The following SH3RF3 variants were observed in gnomAD, a reference collection of about 807,000 sequenced individuals.
SH3RF3 encodes E3 ubiquitin-protein ligase SH3RF3.
A neutral mutation model predicts 66.3 loss-of-function variants in SH3RF3; 29 were observed. The ratio of observed to expected loss-of-function variants is 0.44; its 90% CI spans 0.33 to 0.60. The LOEUF (loss-of-function observed/expected upper bound fraction) is 0.60, where lower values mean the gene tolerates loss of function less well. SH3RF3 is among the 20% of genes least tolerant of loss of function. The probability of loss-of-function intolerance (pLI) is 0.04; values close to 1 mark genes in which losing one functional copy is unlikely to be tolerated. For synonymous variants in SH3RF3, 583 were observed against 532.0 expected (o/e 1.10, Z -1.32); for missense variants, 1,194 against 1,190.9 (o/e 1.00, Z -0.04).
intron 1 of SH3RF3, among the ~76,000 whole-genome samples, chr2:109,195,854 T>C (rs1455985086): frequency 6.6e-6 from 1 of 152,204 alleles, no homozygotes; most frequent in Non-Finnish European, 1.5e-5. Context: ...GCATGGAGTC[T>C]GGCTATGCGT....
chr2:109,315,809 G>A (rs540618504), intron 1 of SH3RF3, among the ~76,000 whole-genome samples: 1 of 152,282 alleles, frequency 6.6e-6, no homozygotes, highest in Admixed American at 6.5e-5. Flanking sequence ...AAGGGACGTC[G>A]TCGCTTTTCC....
chr2:109,144,766 G>A (rs1164561590), intron 1 of SH3RF3, among the ~76,000 whole-genome samples: 1 of 152,228 alleles, frequency 6.6e-6, no homozygotes, highest in Admixed American at 6.5e-5. Context: ...CACACTGTCT[G>A]CATCAGTCAG....
intron 8 of SH3RF3, among the ~76,000 whole-genome samples, chr2:109,459,082 AG>A (rs1389293645): frequency 1.3e-5 from 2 of 152,116 alleles, no homozygotes; most frequent in African/African-American, 4.8e-5. Context: ...TTCCCAGAAG[AG>A]GATTCAGAGT....
intron 1 of SH3RF3, among the ~76,000 whole-genome samples, chr2:109,168,607 C>T (rs757566248): frequency 1.6e-4 from 24 of 152,150 alleles, no homozygotes; most frequent in Non-Finnish European, 2.1e-4. Context: ...CTGATCTGGC[C>T]GTAGGTGGTA....
intron 3 of SH3RF3, among the ~76,000 whole-genome samples, chr2:109,381,732 G>A (rs1675678328): frequency 6.6e-6 from 1 of 152,146 alleles, no homozygotes; most frequent in Non-Finnish European, 1.5e-5. Context: ...GCCAGGAATA[G>A]ATAGTCTCTG....
At chr2:109,320,642 A>G (rs1006049713) in intron 1 of SH3RF3, among the ~76,000 whole-genome samples, 1 of 152,234 alleles carries the variant, frequency 6.6e-6, no homozygotes, top group African/African-American at 2.4e-5. Context: ...TTCCAGCTCT[A>G]TAACACCCAA....
chr2:109,258,675 T>C (rs901879847), intron 1 of SH3RF3, among the ~76,000 whole-genome samples: 2 of 152,220 alleles, frequency 1.3e-5, no homozygotes, highest in Admixed American at 1.3e-4. Flanking sequence ...GGAGCCTGAC[T>C]GTGTGGCAGC....
At chr2:109,446,631 G>C (rs1677712444) in intron 7 of SH3RF3, among the ~76,000 whole-genome samples, 1 of 152,148 alleles carries the variant, frequency 6.6e-6, no homozygotes, top group Non-Finnish European at 1.5e-5. Flanking sequence ...GGGAGGTGAG[G>C]TCTATGGGCA....
chr2:109,140,598 G>C (rs1261175221), intron 1 of SH3RF3, among the ~76,000 whole-genome samples: 1 of 151,946 alleles, frequency 6.6e-6, no homozygotes, highest in Non-Finnish European at 1.5e-5. Context: ...AACCAGGATG[G>C]TCTTGATCTC....
intron 1 of SH3RF3, among the ~76,000 whole-genome samples, chr2:109,228,532 A>T (rs965153763): frequency 6.6e-6 from 1 of 152,130 alleles, no homozygotes; most frequent in Admixed American, 6.5e-5. Context: ...GACCCCTTCC[A>T]TGTGGAGCTA....
chr2:109,493,510 TCACA>T (rs1428743520), intron 9 of SH3RF3, among the ~76,000 whole-genome samples: 1 of 148,652 alleles, frequency 6.7e-6, no homozygotes, highest in Non-Finnish European at 1.5e-5. Flanking sequence ...AACACATACC[TCACA>T]CACACCATTG....
rs1016632796 is a variant in SH3RF3, at chr2:109,395,708, C to T, written c.946-2882C>T. 3.3e-5 allele frequency among the ~76,000 whole-genome samples: 5 copies of T among 152,148 alleles called. No homozygotes were observed. In the South Asian group the frequency reaches 6.2e-4, roughly 19 times the overall value. On this transcript the variant is annotated intron_variant, in intron 3 of 9. Coordinates refer to ENST00000309415, the MANE Select transcript of SH3RF3 (RefSeq NM_001099289.3). ...CCTCTCGGGGACACGTGCTGGTGGCCGCCCAGTGCTCAGTGACCTGTGGCA... is the reference window on the plus strand; with the variant it reads ...CCTCTCGGGGACACGTGCTGGTGGCTGCCCAGTGCTCAGTGACCTGTGGCA...
At chr2:109,458,567 G>GGAGAAAGAGAGAGAGAGAGAGAGA (rs1559094585) in intron 8 of SH3RF3, among the ~76,000 whole-genome samples, 1 of 43,044 alleles carries the variant, frequency 2.3e-5, no homozygotes, top group Non-Finnish European at 5.6e-5. Context: ...AGAACCAGCA[G>GGAGAAAGAGAGAGAGAGAGAGAGA]GAGACAGAGA....
At chr2:109,332,706 C>G (rs561812421) in intron 1 of SH3RF3, among the ~76,000 whole-genome samples, 1 of 152,252 alleles carries the variant, frequency 6.6e-6, no homozygotes, top group South Asian at 2.1e-4. Flanking sequence ...TGATTCCTGC[C>G]GAGCTTCCTA....
intron 1 of SH3RF3, among the ~76,000 whole-genome samples, chr2:109,158,638 C>T (rs571730627): frequency 6.6e-6 from 1 of 152,298 alleles, no homozygotes; most frequent in East Asian, 1.9e-4. Context: ...CTTGAGGGAT[C>T]TAAGTCGTGA....
intron 1 of SH3RF3, among the ~76,000 whole-genome samples, chr2:109,328,404 A>G (rs1350048790): frequency 1.3e-5 from 2 of 152,116 alleles, no homozygotes; most frequent in Non-Finnish European, 2.9e-5. Flanking sequence ...ACCCTTGACT[A>G]TGTGGGCTGC....
intron 1 of SH3RF3, among the ~76,000 whole-genome samples, chr2:109,212,104 G>T (rs769444925): frequency 8.5e-5 from 13 of 152,232 alleles, no homozygotes; most frequent in Non-Finnish European, 1.9e-4. Context: ...TGGGTGGTTG[G>T]TGCGGCTTGC....
intron 8 of SH3RF3, among the ~76,000 whole-genome samples, chr2:109,468,855 GA>G (rs397940375): frequency 0.045 from 2,920 of 64,854 alleles, 104 homozygotes; most frequent in African/African-American, 0.12. Context: ...CTCTGTCTCA[GA>G]AAAAAAAAAA....
At chr2:109,302,105 T>C (rs1490131954) in intron 1 of SH3RF3, among the ~76,000 whole-genome samples, 1 of 152,200 alleles carries the variant, frequency 6.6e-6, no homozygotes, top group Non-Finnish European at 1.5e-5. Flanking sequence ...CTGCAATCGA[T>C]AGCAGAGAAT....
Sources: gnomAD v4.1 joint callset for allele counts (sites outside exome capture counted in the v4.1 genomes callset) on GRCh38, gnomAD v4.1.1 for gene constraint, MANE v1.5 for transcripts, NCBI Gene and HGNC (gene_info 2026-07-23, HGNC 2026-07-21) for gene names.